Variants in DNAH11 observed in about 807,000 individuals in gnomAD.
DNAH11 encodes axonemal beta dynein heavy chain 11.
DNAH11 carries 442 observed loss-of-function variants against 526.0 expected under a neutral mutation model. The ratio of observed to expected loss-of-function variants is 0.84; its 90% confidence interval spans 0.78 to 0.91. The LOEUF (loss-of-function observed/expected upper bound fraction) is 0.91, where lower values mean the gene tolerates loss of function less well. Ranked by LOEUF, DNAH11 falls within the 40% of genes least tolerant of loss-of-function variation. The pLI, the probability that DNAH11 is intolerant of heterozygous loss-of-function variation, is 0.00. For missense variants in DNAH11, 6,989 were observed against 5,448.7 expected (o/e 1.28, Z -8.90); for synonymous variants, 2,461 against 1,935.9 (o/e 1.27, Z -7.12).
chr7:21,677,309 T>G (rs1312350240), intron 30 of DNAH11, among the ~76,000 whole-genome samples: 1 of 152,070 alleles, frequency 6.6e-6, no homozygotes, highest in South Asian at 2.1e-4. Flanking sequence ...TGTGTCTTTT[T>G]GTCACATTTT....
In DNAH11 at chr7:21,705,557, A is replaced by G. The variant is rs371054541; in HGVS notation, c.6546+20A>G. On this transcript the variant is annotated intron_variant, in intron 39 of 81. Coordinates refer to ENST00000409508, the MANE Select transcript of DNAH11 (RefSeq NM_001277115.2). Reference sequence around the variant, plus strand: ...AGTAAGGTATAGTAAATTGCCTAATAGCTTACAGCTATGGAAAGAACATTT... The same window carrying G: ...AGTAAGGTATAGTAAATTGCCTAATGGCTTACAGCTATGGAAAGAACATTT... 4.3e-6 allele frequency: 7 copies of G among 1,609,230 alleles called. No homozygotes were observed. The Admixed American group carries it at 6.7e-5, about 15-fold the overall frequency.
chr7:21,849,804 T>C (rs979111546), intron 66 of DNAH11, among the ~76,000 whole-genome samples: 4 of 152,118 alleles, frequency 2.6e-5, no homozygotes, highest in African/African-American at 9.7e-5. Context: ...TTTTTTGGCA[T>C]TTATCCTGCT....
Position 21,880,746 on chromosome 7 carries a change from C to T in DNAH11, c.12240C>T (p.Ile4080=), listed in dbSNP as rs781402586. 5.6e-6 allele frequency: 9 copies of T among 1,613,962 alleles called. No homozygotes were observed. The highest frequency in any genetic ancestry group is 1.7e-4 in the Middle Eastern group (1 of 6,020). Residue 4080 remains isoleucine (I), a synonymous_variant, in exon 75 of 82, where the codon ATC becomes ATT. Transcript: ENST00000409508. ...CCAAGGAGCAGGAGTTTAAAAGCAT[C>T]CTTTTTTCTCTCTGCTACTTCCACG... ...ICSKEQEFKS[I]LFSLCYFHAC... is the part of the protein sequence containing the mutation.
chr7:21,785,245 A>T (rs755511628), intron 58 of DNAH11, among the ~76,000 whole-genome samples: 1 of 152,218 alleles, frequency 6.6e-6, no homozygotes, highest in Non-Finnish European at 1.5e-5. Context: ...ACTGTTCTTC[A>T]TAGAAATCCT....
chr7:21,567,716 C>A (rs1783729110), intron 6 of DNAH11, among the ~76,000 whole-genome samples: 1 of 152,226 alleles, frequency 6.6e-6, no homozygotes, highest in Non-Finnish European at 1.5e-5. Flanking sequence ...GACGGGAATG[C>A]CAGTCAGAGT....
chr7:21,835,271 G>A (rs930827422), intron 65 of DNAH11, among the ~76,000 whole-genome samples: 2 of 147,266 alleles, frequency 1.4e-5, no homozygotes, highest in Admixed American at 6.8e-5. Context: ...CTCAACCTGA[G>A]TCCAGCATCA....
chr7:21,779,704 A>G (rs1330015009), intron 57 of DNAH11, among the ~76,000 whole-genome samples: 1 of 152,192 alleles, frequency 6.6e-6, no homozygotes, highest in African/African-American at 2.4e-5. Flanking sequence ...GTCTTTTGTC[A>G]TCTTCTTTTA....
chr7:21,761,410 T>C (rs1391868702), intron 54 of DNAH11, among the ~76,000 whole-genome samples: 2 of 151,406 alleles, frequency 1.3e-5, no homozygotes, highest in African/African-American at 4.9e-5. Context: ...TAAAATTCTC[T>C]AAAGTTTTCA....
chr7:21,563,170 T>G (rs915167168), intron 5 of DNAH11, among the ~76,000 whole-genome samples: 6 of 152,128 alleles, frequency 3.9e-5, no homozygotes, highest in Non-Finnish European at 8.8e-5. Flanking sequence ...TATTTAAATT[T>G]TTTTTCATAT....
intron 61 of DNAH11, among the ~76,000 whole-genome samples, chr7:21,798,197 G>T (rs1788802190): frequency 6.6e-6 from 1 of 152,186 alleles, no homozygotes. Context: ...CTAGGTTCAA[G>T]CAATTCTTGT....
chr7:21,568,851 G>C (rs969651566), intron 6 of DNAH11, among the ~76,000 whole-genome samples: 1 of 152,058 alleles, frequency 6.6e-6, no homozygotes, highest in African/African-American at 2.4e-5. Context: ...AATACATAGA[G>C]ATAAAGGTAT....
chr7:21,870,660 C>G (rs182605112), intron 73 of DNAH11, among the ~76,000 whole-genome samples: 96 of 152,262 alleles, frequency 6.3e-4, no homozygotes, highest in Non-Finnish European at 1.1e-3. Context: ...TAAACTATTT[C>G]CATTACTTTT....
At chr7:21,771,784 C>T (rs947919244) in intron 55 of DNAH11, among the ~76,000 whole-genome samples, 1 of 152,204 alleles carries the variant, frequency 6.6e-6, no homozygotes, top group East Asian at 1.9e-4. Context: ...AAAAATACAG[C>T]ATTGCGTAGC....
chr7:21,604,917 A>G (rs1292942418), intron 18 of DNAH11, among the ~76,000 whole-genome samples: 1 of 152,120 alleles, frequency 6.6e-6, no homozygotes, highest in Non-Finnish European at 1.5e-5. Context: ...AAGCCACGAG[A>G]GGGAAGGACA....
intron 45 of DNAH11, among the ~76,000 whole-genome samples, chr7:21,731,662 T>C (rs556196707): frequency 6.6e-6 from 1 of 152,338 alleles, no homozygotes; most frequent in African/African-American, 2.4e-5. Context: ...AGGTTTTGGT[T>C]TGGTCAACAT....
chr7:21,624,017 T>C (rs1786211057), intron 25 of DNAH11, among the ~76,000 whole-genome samples: 1 of 151,690 alleles, frequency 6.6e-6, no homozygotes, highest in African/African-American at 2.4e-5. Flanking sequence ...ATCCACTTTC[T>C]TAATATCACT....
At chr7:21,890,221 A>G (rs1784282755) in intron 76 of DNAH11, among the ~76,000 whole-genome samples, 1 of 152,238 alleles carries the variant, frequency 6.6e-6, no homozygotes, top group African/African-American at 2.4e-5. Flanking sequence ...AAGTGATGGA[A>G]GCTGAATCAG....
In DNAH11 at chr7:21,735,831, C is replaced by A; in HGVS notation, c.7632C>A (p.Ser2544=). The change falls in exon 46 of 82, where the codon TCC becomes TCA. Residue 2544 remains serine, a synonymous_variant. Transcript: ENST00000409508. The part of the protein sequence containing the change: ...SRVPFNYYTT[S]TALQKILEKP... Reference sequence around the variant, plus strand: ...TGCCTTTCAACTACTACACGACATCCACAGCTCTGCAAAGTAAGTGCACCT... The same window carrying A: ...TGCCTTTCAACTACTACACGACATCAACAGCTCTGCAAAGTAAGTGCACCT... The A allele has an allele frequency of 6.2e-7, 1 of 1,607,934 alleles. No individual in the cohort carries two copies. Among genetic ancestry groups the A allele is most frequent in the Non-Finnish European group, 8.5e-7 (1 of 1,175,926 alleles).
At chr7:21,705,102 A>G (rs1006343231) in intron 38 of DNAH11, among the ~76,000 whole-genome samples, 2 of 152,212 alleles carry the variant, frequency 1.3e-5, no homozygotes, top group Non-Finnish European at 2.9e-5. Flanking sequence ...CACTATATAC[A>G]TTATCCATTT....
Sources: allele counts gnomAD v4.1 joint callset (sites outside exome capture counted in the v4.1 genomes callset), GRCh38; gene constraint gnomAD v4.1.1; transcripts MANE v1.5; gene names NCBI Gene and HGNC (gene_info 2026-07-23, HGNC 2026-07-21).